ATRNL1: variants seen among roughly 807,000 people sequenced by gnomAD.
The protein encoded by ATRNL1 is attractin-like protein 1.
A neutral mutation model predicts 182.7 loss-of-function variants in ATRNL1; 95 were observed. The observed-to-expected ratio is 0.52, with a 90% CI of 0.44 to 0.62. The LOEUF (loss-of-function observed/expected upper bound fraction) is 0.62, where lower values mean the gene tolerates loss of function less well. Ranked by LOEUF, ATRNL1 falls within the 20% of genes least tolerant of loss-of-function variation. ATRNL1 has a pLI of 0.00. For synonymous variants in ATRNL1, 576 were observed against 568.3 expected (o/e 1.01, Z -0.19); for missense variants, 1,471 against 1,679.5 (o/e 0.88, Z 2.17).
At chr10:115,573,147 T>G (rs1252348486) in intron 26 of ATRNL1, among the ~76,000 whole-genome samples, 2 of 152,128 alleles carry the variant, frequency 1.3e-5, no homozygotes, top group African/African-American at 4.8e-5. Context: ...GGATCACATG[T>G]GGGCTCAAAG....
intron 26 of ATRNL1, among the ~76,000 whole-genome samples, chr10:115,559,435 T>C (rs1157903748): frequency 9.1e-6 from 1 of 110,420 alleles, no homozygotes; most frequent in Non-Finnish European, 1.9e-5. Context: ...TGTGTGTGTG[T>C]GTGTGTGTGC....
intron 24 of ATRNL1, among the ~76,000 whole-genome samples, chr10:115,488,359 T>C (rs948044871): frequency 1.3e-5 from 2 of 152,182 alleles, no homozygotes; most frequent in African/African-American, 2.4e-5. Flanking sequence ...AGTGGACTTT[T>C]TTTGGTTGGT....
At chr10:115,282,960 A>G (rs745490216) in intron 14 of ATRNL1, among the ~76,000 whole-genome samples, 27 of 151,922 alleles carry the variant, frequency 1.8e-4, no homozygotes, top group Non-Finnish European at 3.8e-4. Flanking sequence ...TCCTAATGCT[A>G]TCCCTCCCCT....
At chr10:115,523,384 T>C (rs1554985758) in intron 25 of ATRNL1, among the ~76,000 whole-genome samples, 1 of 152,196 alleles carries the variant, frequency 6.6e-6, no homozygotes, top group African/African-American at 2.4e-5. Context: ...TGGCTCCTTT[T>C]ATTCATGCTA....
At chr10:115,597,540 A>G in intron 26 of ATRNL1, 1 of 382,618 alleles carries the variant, frequency 2.6e-6, no homozygotes, top group Non-Finnish European at 4.9e-6. Flanking sequence ...CTTTGTAAAC[A>G]TTACATGAAA....
At chr10:115,475,236 T>C (rs1347757115) in intron 24 of ATRNL1, among the ~76,000 whole-genome samples, 2 of 151,508 alleles carry the variant, frequency 1.3e-5, no homozygotes, top group Middle Eastern at 3.2e-3. Context: ...TGGAGATGAT[T>C]GAAATTAGTT....
intron 26 of ATRNL1, among the ~76,000 whole-genome samples, chr10:115,607,329 T>G (rs1324572223): frequency 1.3e-5 from 2 of 151,892 alleles, no homozygotes; most frequent in African/African-American, 4.8e-5. Context: ...TGAGATAGAC[T>G]CTAGAATTCT....
At chr10:115,565,943 A>G (rs1400977940) in intron 26 of ATRNL1, among the ~76,000 whole-genome samples, 1 of 152,106 alleles carries the variant, frequency 6.6e-6, no homozygotes, top group Non-Finnish European at 1.5e-5. Context: ...GTTTGAGTAA[A>G]AGTGTTAGCT....
intron 24 of ATRNL1, among the ~76,000 whole-genome samples, chr10:115,470,392 C>A (rs1554971874): frequency 6.7e-6 from 1 of 150,190 alleles, no homozygotes; most frequent in Non-Finnish European, 1.5e-5. Flanking sequence ...CTGGTACTGT[C>A]AGAAAAATGC....
chr10:115,836,441 A>G (rs956410020), intron 27 of ATRNL1, among the ~76,000 whole-genome samples: 2 of 152,186 alleles, frequency 1.3e-5, no homozygotes, highest in Non-Finnish European at 2.9e-5. Context: ...GCTTAAAAAA[A>G]CAGTCTGGGG....
intron 27 of ATRNL1, among the ~76,000 whole-genome samples, chr10:115,838,867 G>A (rs1028687798): frequency 2.6e-5 from 4 of 152,114 alleles, no homozygotes; most frequent in Non-Finnish European, 5.9e-5. Flanking sequence ...GGAAAACTCT[G>A]TAATCCAGAA....
chr10:115,913,502 C>T (rs1202243559), intron 28 of ATRNL1, among the ~76,000 whole-genome samples: 1 of 152,220 alleles, frequency 6.6e-6, no homozygotes. Flanking sequence ...ATGGGGATAG[C>T]AGCTTCTACC....
intron 26 of ATRNL1, among the ~76,000 whole-genome samples, chr10:115,614,217 G>A (rs572007638): frequency 1.7e-4 from 26 of 151,840 alleles, no homozygotes; most frequent in African/African-American, 5.1e-4. Flanking sequence ...GTTTTGGGGC[G>A]TTGTTTTCTA....
At chr10:115,808,270 C>T (rs1207034440) in intron 27 of ATRNL1, among the ~76,000 whole-genome samples, 6 of 152,104 alleles carry the variant, frequency 3.9e-5, no homozygotes, top group Admixed American at 3.9e-4. Flanking sequence ...TTGGAAATGA[C>T]ATAAATGACT....
At chr10:115,296,660 A>G (rs1391022934) in intron 15 of ATRNL1, among the ~76,000 whole-genome samples, 11 of 152,082 alleles carry the variant, frequency 7.2e-5, no homozygotes, top group Non-Finnish European at 1.3e-4. Context: ...TGGATATTGC[A>G]ATATGGTACT....
intron 10 of ATRNL1, 123 bp from the exon 11 acceptor site, chr10:115,265,070 A>ATTTTTTT: frequency 2.1e-6 from 1 of 480,622 alleles, no homozygotes; most frequent in Non-Finnish European, 3.6e-6. Context: ...ATTAATGAGA[A>ATTTTTTT]TTTTTTTTTT....
intron 28 of ATRNL1, among the ~76,000 whole-genome samples, chr10:115,888,667 C>CGTAA (rs1952009701): frequency 6.6e-6 from 1 of 152,194 alleles, no homozygotes; most frequent in South Asian, 2.1e-4. Flanking sequence ...TATTAATCAA[C>CGTAA]GTAAGTAACC....
In ATRNL1 at chr10:115,311,036, A is replaced by G. The variant is rs183183700; in HGVS notation, c.2819-4482A>G. Among the ~76,000 whole-genome samples, 24 of 151,788 alleles carry G rather than the reference A, an allele frequency of 1.6e-4. No homozygotes were observed. In the East Asian group the frequency reaches 4.2e-3, roughly 27 times the overall value. ...GTTATTGTTCTTTTTGCAGAATTTA[A>G]AACTTTCCATCTTGATTTAATTGTT... On this transcript the variant is annotated intron_variant, in intron 17 of 28. Transcript: ENST00000355044.
At chr10:115,332,346 T>G (rs1554935310) in intron 18 of ATRNL1, among the ~76,000 whole-genome samples, 1 of 152,180 alleles carries the variant, frequency 6.6e-6, no homozygotes, top group African/African-American at 2.4e-5. Flanking sequence ...TTTTTAGCCC[T>G]CGTGAAGGCA....
Sources: allele counts gnomAD v4.1 joint callset (sites outside exome capture counted in the v4.1 genomes callset), GRCh38; gene constraint gnomAD v4.1.1; transcripts MANE v1.5; gene names NCBI Gene and HGNC (gene_info 2026-07-23, HGNC 2026-07-21).